Variants in ROBO1 observed in about 807,000 individuals in gnomAD.
ROBO1 encodes roundabout homolog 1.
A neutral mutation model predicts 195.9 loss-of-function variants in ROBO1; 149 were observed. That is an observed-to-expected ratio of 0.76 (90% CI 0.67 to 0.87). The LOEUF is 0.87. Ranked by LOEUF, ROBO1 falls within the 40% of genes least tolerant of loss-of-function variation. The pLI is 0.00. For synonymous variants in ROBO1, 816 were observed against 733.2 expected (o/e 1.11, Z -1.82); for missense variants, 1,933 against 2,068.3 (o/e 0.93, Z 1.27).
chr3:78,717,533 A>G, intron 6 of ROBO1, 120 bp from the exon 7 acceptor site: 1 of 966,826 alleles, frequency 1.0e-6, no homozygotes, highest in Non-Finnish European at 1.6e-6. Flanking sequence ...ATTATTCCAC[A>G]GAGTCCCCTC....
At position 78,922,672 on chromosome 3, in the gene ROBO1, C is replaced by T. The variant is rs188264306; in HGVS notation, c.499+15929G>A. ...TCACCCAGGCTGGAGTGCAGTGGCA[C>T]GATCTCAGCTCACTGCAACCTCTGC... On this transcript the variant is annotated intron_variant, in intron 4 of 30. Transcript: ENST00000464233. Among the ~76,000 whole-genome samples the T allele has an allele frequency of 2.9e-4, 43 of 147,842 alleles. 1 individual carries two copies. The highest frequency in any genetic ancestry group is 8.8e-4 in the Admixed American group (13 of 14,714).
rs35601531 is a variant in ROBO1, at chr3:79,608,600, TAG to T, written c.-50-18641_-50-18640del. 1.5e-3 allele frequency among the ~76,000 whole-genome samples: 223 copies of T among 152,108 alleles called. 1 individual carries two copies. Among genetic ancestry groups the T allele is most frequent in the African/African-American group, 5.1e-3 (212 of 41,556 alleles). ...ATTCCTAAGATGATACCTGCTCAAA[TAG>T]ACTCTGATGGATGTTTTCCTATAAA... is the stretch of plus-strand genomic sequence containing the variant. On this transcript the variant is annotated intron_variant, in intron 1 of 30. Coordinates refer to ENST00000464233, the MANE Select transcript of ROBO1 (RefSeq NM_002941.4).
chr3:78,856,750 T>G (rs563228969), intron 4 of ROBO1, among the ~76,000 whole-genome samples: 1 of 151,602 alleles, frequency 6.6e-6, no homozygotes, highest in East Asian at 1.9e-4. Flanking sequence ...TTAAAAATTA[T>G]ATTTCATATA....
chr3:79,295,056 T>G (rs2032503747), intron 2 of ROBO1, among the ~76,000 whole-genome samples: 1 of 152,212 alleles, frequency 6.6e-6, no homozygotes, highest in South Asian at 2.1e-4. Flanking sequence ...CTCAAGGATC[T>G]AGAACTAGAA....
intron 2 of ROBO1, among the ~76,000 whole-genome samples, chr3:79,585,325 T>C (rs1421775997): frequency 6.6e-6 from 1 of 152,032 alleles, no homozygotes; most frequent in Non-Finnish European, 1.5e-5. Flanking sequence ...TTGTACCCAC[T>C]AGGCAAACTT....
intron 2 of ROBO1, among the ~76,000 whole-genome samples, chr3:79,359,782 G>T (rs1219590858): frequency 6.6e-6 from 1 of 151,808 alleles, no homozygotes; most frequent in Non-Finnish European, 1.5e-5. Flanking sequence ...CAAAATAATA[G>T]ATTTCCTTTT....
intron 2 of ROBO1, among the ~76,000 whole-genome samples, chr3:79,507,598 A>G (rs1940471223): frequency 6.6e-6 from 1 of 152,184 alleles, no homozygotes. Flanking sequence ...CATAAAGAAT[A>G]ATTGATCTCT....
intron 3 of ROBO1, among the ~76,000 whole-genome samples, chr3:78,960,126 C>T (rs1341509102): frequency 1.3e-5 from 2 of 151,932 alleles, no homozygotes; most frequent in Non-Finnish European, 2.9e-5. Context: ...TGATCACACC[C>T]GTGATTAGCC....
At chr3:78,976,580 T>C (rs536371671) in intron 3 of ROBO1, among the ~76,000 whole-genome samples, 1 of 152,294 alleles carries the variant, frequency 6.6e-6, no homozygotes, top group Admixed American at 6.5e-5. Flanking sequence ...CCCTCACTAA[T>C]TGTCAACAAA....
intron 2 of ROBO1, among the ~76,000 whole-genome samples, chr3:79,244,607 C>T (rs1347072088): frequency 6.6e-6 from 1 of 152,026 alleles, no homozygotes; most frequent in African/African-American, 2.4e-5. Context: ...CATCATGTAG[C>T]TACACCCACA....
At chr3:78,970,177 A>G (rs2076732392) in intron 3 of ROBO1, among the ~76,000 whole-genome samples, 1 of 152,182 alleles carries the variant, frequency 6.6e-6, no homozygotes, top group Admixed American at 6.5e-5. Flanking sequence ...CATTATATTG[A>G]TTTTGAATAT....
At chr3:78,941,715 T>C (rs2040154728) in intron 3 of ROBO1, among the ~76,000 whole-genome samples, 1 of 152,182 alleles carries the variant, frequency 6.6e-6, no homozygotes, top group Non-Finnish European at 1.5e-5. Flanking sequence ...GAGTATGTGG[T>C]ACACTTGTGG....
intron 4 of ROBO1, among the ~76,000 whole-genome samples, chr3:78,780,708 C>A (rs1282978442): frequency 6.6e-6 from 1 of 152,102 alleles, no homozygotes; most frequent in African/African-American, 2.4e-5. Context: ...GTGCAGAATT[C>A]ATTACTATTG....
Position 79,756,024 on chromosome 3 carries a change from C to T in ROBO1, c.-51+11728G>A, listed in dbSNP as rs370703319. On this transcript the variant is annotated intron_variant, in intron 1 of 30. Coordinates refer to ENST00000464233, the MANE Select transcript of ROBO1 (RefSeq NM_002941.4). ...CAAAACTTCCATCATACCTCACCAG[C>T]TCTCATATCCAGAATCACAATATTC... is the stretch of plus-strand genomic sequence containing the variant. 1.1e-4 allele frequency among the ~76,000 whole-genome samples: 17 copies of T among 152,322 alleles called. No individual in the cohort carries two copies. The East Asian group carries it at 2.9e-3, about 26-fold the overall frequency.
At chr3:79,401,652 G>C (rs1455833728) in intron 2 of ROBO1, among the ~76,000 whole-genome samples, 1 of 151,668 alleles carries the variant, frequency 6.6e-6, no homozygotes, top group Non-Finnish European at 1.5e-5. Flanking sequence ...ATTTGTAAAC[G>C]CAATGCAGAA....
At chr3:79,037,317 A>G (rs1176935807) in intron 3 of ROBO1, among the ~76,000 whole-genome samples, 1 of 152,108 alleles carries the variant, frequency 6.6e-6, no homozygotes, top group African/African-American at 2.4e-5. Flanking sequence ...CAGCCTTATT[A>G]CCTATATTTC....
At chr3:79,039,727 G>A (rs2078447497) in intron 3 of ROBO1, among the ~76,000 whole-genome samples, 1 of 143,544 alleles carries the variant, frequency 7.0e-6, no homozygotes, top group African/African-American at 2.6e-5. Flanking sequence ...CCAGGACCCG[G>A]GAGGCAGAGG....
intron 2 of ROBO1, among the ~76,000 whole-genome samples, chr3:79,170,815 T>G (rs1449923297): frequency 1.3e-5 from 2 of 152,102 alleles, no homozygotes; most frequent in Non-Finnish European, 2.9e-5. Flanking sequence ...GAGTTGACTC[T>G]TCATCAACTT....
At chr3:78,836,428 C>T (rs1270714699) in intron 4 of ROBO1, among the ~76,000 whole-genome samples, 3 of 148,806 alleles carry the variant, frequency 2.0e-5, no homozygotes, top group Admixed American at 6.7e-5. Context: ...AGGAGAATGG[C>T]GTTAACCTGG....
Sources: gnomAD v4.1 joint callset for allele counts (sites outside exome capture counted in the v4.1 genomes callset) on GRCh38, gnomAD v4.1.1 for gene constraint, MANE v1.5 for transcripts, NCBI Gene and HGNC (gene_info 2026-07-23, HGNC 2026-07-21) for gene names.